ZNF385B: variants seen among roughly 807,000 people sequenced by gnomAD.
ZNF385B encodes the protein zinc finger protein 385B, also known as zinc finger protein 533.
A neutral mutation model predicts 39.2 loss-of-function variants in ZNF385B; 23 were observed. The ratio of observed to expected loss-of-function variants is 0.59; its 90% CI spans 0.42 to 0.83. The LOEUF is 0.83. ZNF385B is among the 40% of genes least tolerant of loss of function. The probability of loss-of-function intolerance (pLI) is 0.00; values close to 1 mark genes in which losing one functional copy is unlikely to be tolerated. For synonymous variants in ZNF385B, 205 were observed against 222.6 expected (o/e 0.92, Z 0.70); for missense variants, 552 against 598.9 (o/e 0.92, Z 0.82).
chr2:179,719,307 T>C (rs770877535), intron 3 of ZNF385B, among the ~76,000 whole-genome samples: 2 of 152,182 alleles, frequency 1.3e-5, no homozygotes, highest in South Asian at 2.1e-4. Context: ...ACAATACCTA[T>C]GAACCCCTTG....
intron 3 of ZNF385B, among the ~76,000 whole-genome samples, chr2:179,718,276 T>G (rs1229216201): frequency 6.6e-6 from 1 of 151,104 alleles, no homozygotes; most frequent in Non-Finnish European, 1.5e-5. Context: ...AGTGAGAATT[T>G]TAAATACTGG....
intron 3 of ZNF385B, among the ~76,000 whole-genome samples, chr2:179,744,998 G>C (rs1379204244): frequency 6.6e-6 from 1 of 151,936 alleles, no homozygotes; most frequent in African/African-American, 2.4e-5. Flanking sequence ...TGATGATCTA[G>C]TAATTTAACC....
chr2:179,774,275 G>A lies in ZNF385B; in HGVS notation c.-154-3603C>T, dbSNP rs953978089. Among the ~76,000 whole-genome samples the A allele has an allele frequency of 2.0e-5, 3 of 151,616 alleles. No homozygotes were observed. In the South Asian group the frequency reaches 6.3e-4, roughly 32 times the overall value. On this transcript the variant is annotated intron_variant, in intron 1 of 9. Coordinates refer to ENST00000410066, the MANE Select transcript of ZNF385B (RefSeq NM_152520.6). ...GAGGGTGTGTGTGTGTGGTATATGT[G>A]GCATGTGTAATATGTGTGTGGTATG...
intron 1 of ZNF385B, among the ~76,000 whole-genome samples, chr2:179,808,443 A>C (rs1274888144): frequency 6.6e-6 from 1 of 152,222 alleles, no homozygotes; most frequent in African/African-American, 2.4e-5. Context: ...GGATAAAGCA[A>C]AGGCACACAG....
chr2:179,694,998 G>C (rs754596819), intron 3 of ZNF385B, among the ~76,000 whole-genome samples: 1 of 149,834 alleles, frequency 6.7e-6, no homozygotes, highest in Non-Finnish European at 1.5e-5. Flanking sequence ...AGAAGAAAAA[G>C]AAGAAGGAGG....
At chr2:179,526,846 TG>T (rs984608166) in intron 4 of ZNF385B, among the ~76,000 whole-genome samples, 3 of 152,172 alleles carry the variant, frequency 2.0e-5, no homozygotes, top group South Asian at 2.1e-4. Context: ...GTCAAATGTT[TG>T]GGGAGATGGT....
At chr2:179,522,426 C>G (rs1347527695) in intron 4 of ZNF385B, among the ~76,000 whole-genome samples, 1 of 152,066 alleles carries the variant, frequency 6.6e-6, no homozygotes, top group Non-Finnish European at 1.5e-5. Flanking sequence ...TATTCTATCA[C>G]TAAGTTTCAG....
intron 5 of ZNF385B, among the ~76,000 whole-genome samples, chr2:179,490,316 A>AACAC (rs143318849): frequency 0.015 from 2,265 of 150,072 alleles, 55 homozygotes; most frequent in African/African-American, 0.05. Context: ...TACACACACA[A>AACAC]ACACACACAC....
intron 3 of ZNF385B, among the ~76,000 whole-genome samples, chr2:179,733,594 A>G (rs991388024): frequency 1.3e-5 from 2 of 152,134 alleles, no homozygotes; most frequent in Non-Finnish European, 2.9e-5. Context: ...TATCCTGGCT[A>G]ACAGGGTGAA....
At chr2:179,610,161 C>A (rs917436022) in intron 3 of ZNF385B, among the ~76,000 whole-genome samples, 24 of 152,048 alleles carry the variant, frequency 1.6e-4, no homozygotes, top group Non-Finnish European at 3.2e-4. Flanking sequence ...GATAGTTTCC[C>A]CTATGTTTTA....
intron 5 of ZNF385B, among the ~76,000 whole-genome samples, chr2:179,496,247 T>A (rs2056190170): frequency 1.3e-5 from 2 of 152,042 alleles, no homozygotes; most frequent in African/African-American, 4.8e-5. Context: ...GAAGAAAGAA[T>A]TAGTGAGCTT....
intron 1 of ZNF385B, among the ~76,000 whole-genome samples, chr2:179,778,173 C>G (rs1488049245): frequency 6.6e-6 from 1 of 152,172 alleles, no homozygotes; most frequent in African/African-American, 2.4e-5. Flanking sequence ...ATTGGCTGGG[C>G]TCCATAGTCT....
intron 3 of ZNF385B, among the ~76,000 whole-genome samples, chr2:179,612,941 G>A (rs1689414216): frequency 6.6e-6 from 1 of 152,152 alleles, no homozygotes; most frequent in South Asian, 2.1e-4. Flanking sequence ...TGAAAGCCAA[G>A]CCACAAGAAA....
At chr2:179,531,565 G>C (rs1039592908) in intron 4 of ZNF385B, among the ~76,000 whole-genome samples, 2 of 152,086 alleles carry the variant, frequency 1.3e-5, no homozygotes, top group African/African-American at 2.4e-5. Context: ...GAACCTGGGA[G>C]GTTCAAGTGC....
chr2:179,555,742 G>A (rs992472402), intron 3 of ZNF385B, among the ~76,000 whole-genome samples: 2 of 148,558 alleles, frequency 1.3e-5, no homozygotes, highest in Non-Finnish European at 3.0e-5. Flanking sequence ...AGTGAATAGG[G>A]GAGACTAACA....
At position 179,570,619 on chromosome 2, in the gene ZNF385B, T is replaced by C. The variant is rs559515466; in HGVS notation, c.299-25650A>G. Among the ~76,000 whole-genome samples, 142 of 152,330 alleles carry C rather than the reference T, an allele frequency of 9.3e-4. 2 individuals carry two copies. In the South Asian group the frequency reaches 0.019, roughly 20 times the overall value. ...TCAATAAATGTTAGTTCTCTCTTTG[T>C]TTCTCTGATTCTGAAGAGAGCCAGT... On this transcript the variant is annotated intron_variant, in intron 3 of 9. Coordinates refer to ENST00000410066, the MANE Select transcript of ZNF385B (RefSeq NM_152520.6).
In ZNF385B at chr2:179,861,448, G is replaced by GGCCCC. The variant is rs937821915; in HGVS notation, c.-507_-503dup. ...CCGCTGGGCGCGCCCGGCCCGGCCCGGCCCCGCCGCACGCCCGCCCCCCTG... is the reference window on the plus strand; with the variant it reads ...CCGCTGGGCGCGCCCGGCCCGGCCCGGCCCCGCCCCGCCGCACGCCCGCCCCCCTG... On this transcript the variant is annotated 5_prime_UTR_variant, in exon 1 of 10. Coordinates refer to ENST00000410066, the MANE Select transcript of ZNF385B (RefSeq NM_152520.6). 1 of 151,500 alleles carries GGCCCC rather than the reference G, an allele frequency of 6.6e-6. No homozygotes were observed. Among genetic ancestry groups the GGCCCC allele is most frequent in the African/African-American group, 2.4e-5 (1 of 41,278 alleles). 9.4% of individuals were successfully genotyped at this position (151,500 alleles called of 1,614,324 possible). A position where few individuals can be genotyped will look rare whatever the true frequency, so the allele number is the denominator to read the frequency against.
chr2:179,805,031 T>G (rs764687892), intron 1 of ZNF385B, among the ~76,000 whole-genome samples: 2 of 152,202 alleles, frequency 1.3e-5, no homozygotes, highest in Admixed American at 1.3e-4. Flanking sequence ...TTCCCTCATG[T>G]TGAATCTGGC....
chr2:179,686,937 C>T (rs1515289), intron 3 of ZNF385B, among the ~76,000 whole-genome samples: 65,765 of 148,770 alleles, frequency 0.44, 14,600 homozygotes, highest in Admixed American at 0.49. Flanking sequence ...CTCGAGGTAA[C>T]TGACTAGCCT....
Sources: allele counts gnomAD v4.1 joint callset (sites outside exome capture counted in the v4.1 genomes callset), GRCh38; gene constraint gnomAD v4.1.1; transcripts MANE v1.5; gene names NCBI Gene and HGNC (gene_info 2026-07-23, HGNC 2026-07-21).